Variants in KIZ observed in about 807,000 individuals in gnomAD.
The protein encoded by KIZ is kizuna centrosomal protein.
In KIZ, 68 loss-of-function variants were observed where a neutral mutation model predicts 79.6. That is an observed-to-expected ratio of 0.85 (90% CI 0.70 to 1.05). KIZ has a LOEUF of 1.05. Among genes scored for constraint, KIZ ranks in the 50% least tolerant of loss-of-function variants. The pLI, the probability that KIZ is intolerant of heterozygous loss-of-function variation, is 0.00. For synonymous variants in KIZ, 280 were observed against 281.8 expected, an observed-to-expected ratio of 0.99 and a Z score of 0.06; for missense variants, 797 against 800.4, an observed-to-expected ratio of 1.00 and a Z score of 0.05.
chr20:21,204,114 T>A (rs1050220648), intron 6 of KIZ, among the ~76,000 whole-genome samples: 1 of 131,896 alleles, frequency 7.6e-6, no homozygotes, highest in African/African-American at 2.9e-5. Flanking sequence ...TGTTTTTTTT[T>A]TTTTTTTTTT....
At chr20:21,137,316 T>C (rs751450869) in intron 3 of KIZ, among the ~76,000 whole-genome samples, 30 of 152,204 alleles carry the variant, frequency 2.0e-4, no homozygotes, top group Non-Finnish European at 3.7e-4. Flanking sequence ...TTCCTGCTGC[T>C]CCACAAATTA....
At chr20:21,181,569 A>G (rs1021560578) in intron 6 of KIZ, among the ~76,000 whole-genome samples, 12 of 151,448 alleles carry the variant, frequency 7.9e-5, no homozygotes, top group African/African-American at 2.9e-4. Context: ...AGCGTTTCTC[A>G]TGCCTCAGCT....
At chr20:21,208,512 G>A (rs1010573153) in intron 7 of KIZ, among the ~76,000 whole-genome samples, 1 of 152,140 alleles carries the variant, frequency 6.6e-6, no homozygotes, top group African/African-American at 2.4e-5. Flanking sequence ...GACCATCTTG[G>A]CTAACACGGT....
intron 9 of KIZ, among the ~76,000 whole-genome samples, chr20:21,216,277 AG>A (rs2036289590): frequency 6.6e-6 from 1 of 152,232 alleles, no homozygotes; most frequent in African/African-American, 2.4e-5. Flanking sequence ...TGAATTTACT[AG>A]TACCTTATTT....
intron 6 of KIZ, among the ~76,000 whole-genome samples, chr20:21,179,297 A>T (rs1315235582): frequency 6.7e-6 from 1 of 149,182 alleles, no homozygotes; most frequent in Non-Finnish European, 1.5e-5. Flanking sequence ...TTCTTTATTA[A>T]TTAGTCTTGG....
intron 8 of KIZ, among the ~76,000 whole-genome samples, chr20:21,215,049 A>C (rs2036229972): frequency 2.6e-5 from 4 of 152,234 alleles, no homozygotes; most frequent in African/African-American, 9.6e-5. Flanking sequence ...TTTTGATATC[A>C]CCTAATAGAA....
intron 6 of KIZ, among the ~76,000 whole-genome samples, chr20:21,203,446 A>G (rs1037439694): frequency 6.6e-6 from 1 of 152,218 alleles, no homozygotes; most frequent in East Asian, 1.9e-4. Context: ...TTGTTACCCC[A>G]TGGTTAGTGA....
chr20:21,204,317 G>A (rs1282975087), intron 6 of KIZ, among the ~76,000 whole-genome samples: 5 of 151,062 alleles, frequency 3.3e-5, no homozygotes, highest in South Asian at 2.1e-4. Context: ...GGGTTTCACC[G>A]TTTTAGCCGG....
intron 6 of KIZ, among the ~76,000 whole-genome samples, chr20:21,172,311 A>G (rs1434493507): frequency 1.3e-5 from 2 of 152,174 alleles, no homozygotes; most frequent in African/African-American, 4.8e-5. Context: ...TGTGAAAAGT[A>G]TTATGACAAA....
At chr20:21,243,990 G>C (rs2037306293) in intron 11 of KIZ, among the ~76,000 whole-genome samples, 1 of 152,166 alleles carries the variant, frequency 6.6e-6, no homozygotes, top group Non-Finnish European at 1.5e-5. Flanking sequence ...GCACAGCTCA[G>C]CAGGGCGGGG....
intron 6 of KIZ, among the ~76,000 whole-genome samples, chr20:21,186,410 C>A (rs187394268): frequency 6.6e-6 from 1 of 151,636 alleles, no homozygotes; most frequent in South Asian, 2.1e-4. Context: ...ACTTGGAATC[C>A]GTTTCTTCCG....
intron 9 of KIZ, among the ~76,000 whole-genome samples, chr20:21,215,983 G>C (rs545705775): frequency 6.6e-6 from 1 of 152,148 alleles, no homozygotes; most frequent in East Asian, 1.9e-4. Context: ...AACTATAGAT[G>C]TTTCTGATTT....
chr20:21,164,250 T>C (rs1000558884), intron 6 of KIZ, among the ~76,000 whole-genome samples: 5 of 152,348 alleles, frequency 3.3e-5, no homozygotes, highest in East Asian at 1.9e-4. Flanking sequence ...TGTCTACTTA[T>C]GGTGAAAAGT....
intron 11 of KIZ, 178 bp downstream of exon 11, chr20:21,233,008 A>G (rs1030232826): frequency 3.4e-6 from 2 of 584,790 alleles, no homozygotes; most frequent in East Asian, 5.7e-5. Context: ...TATTTGCACC[A>G]GAGCCAAGTA....
intron 2 of KIZ, among the ~76,000 whole-genome samples, chr20:21,134,660 G>GTTTTTT (rs537989513): frequency 7.7e-6 from 1 of 130,522 alleles, no homozygotes. Flanking sequence ...CATCTTTCAG[G>GTTTTTT]TTTTTTTTTT....
intron 6 of KIZ, among the ~76,000 whole-genome samples, chr20:21,173,277 A>G (rs957519639): frequency 7.2e-5 from 11 of 152,190 alleles, no homozygotes; most frequent in African/African-American, 2.6e-4. Flanking sequence ...ATATTTTTAT[A>G]TAAAAGAACC....
chr20:21,227,308 T>C (rs894884215), intron 9 of KIZ, among the ~76,000 whole-genome samples: 1 of 152,130 alleles, frequency 6.6e-6, no homozygotes, highest in African/African-American at 2.4e-5. Context: ...AGTCAAGTGA[T>C]TTACCTTCAG....
At chr20:21,128,862 G>A (rs990955388) in intron 1 of KIZ, among the ~76,000 whole-genome samples, 1 of 152,190 alleles carries the variant, frequency 6.6e-6, no homozygotes, top group African/African-American at 2.4e-5. Context: ...TATTAGTAGA[G>A]TAAGCTGAAG....
intron 6 of KIZ, among the ~76,000 whole-genome samples, chr20:21,200,656 C>T (rs184993478): frequency 3.2e-4 from 49 of 152,112 alleles, no homozygotes; most frequent in Admixed American, 1.4e-3. Flanking sequence ...TGACAGGAGG[C>T]GGAGCTCAGG....
Sources: gnomAD v4.1 joint callset for allele counts (sites outside exome capture counted in the v4.1 genomes callset) on GRCh38, gnomAD v4.1.1 for gene constraint, MANE v1.5 for transcripts, NCBI Gene and HGNC (gene_info 2026-07-23, HGNC 2026-07-21) for gene names.